TBC1D22A: variants seen among roughly 807,000 people sequenced by gnomAD.
TBC1D22A encodes the protein TBC1 domain family member 22A.
TBC1D22A carries 38 observed loss-of-function variants against 60.2 expected under a neutral mutation model. That is an observed-to-expected ratio of 0.63 (90% CI 0.49 to 0.83). The LOEUF (loss-of-function observed/expected upper bound fraction) is 0.83. Ranked by LOEUF, TBC1D22A falls within the 40% of genes least tolerant of loss-of-function variation. TBC1D22A has a pLI of 0.00. For missense variants in TBC1D22A, 628 were observed against 701.0 expected (o/e 0.90, Z 1.18); for synonymous variants, 302 against 281.7 (o/e 1.07, Z -0.72).
At chr22:47,059,712 C>T (rs2063506385) in intron 11 of TBC1D22A, among the ~76,000 whole-genome samples, 3 of 152,180 alleles carry the variant, frequency 2.0e-5, no homozygotes, top group East Asian at 3.8e-4. Flanking sequence ...AATGCAGGTG[C>T]CGTTTCTGCC....
chr22:46,916,060 C>T, intron 8 of TBC1D22A: 1 of 401,850 alleles, frequency 2.5e-6, no homozygotes, highest in South Asian at 1.9e-5. Flanking sequence ...AGGACATATG[C>T]ATGTAGTGAA....
Position 46,913,430 on chromosome 22 carries a change from G to T in TBC1D22A, c.1015+1242G>T, listed in dbSNP as rs574355554. On this transcript the variant is annotated intron_variant, in intron 8 of 12. Transcript: ENST00000337137. ...ACAGATGAACAGATTATCCTCAGAA[G>T]ATGAGGACATATCCAAGTAGTGAAT... The T allele has an allele frequency of 3.7e-6, 5 of 1,365,420 alleles. No homozygotes were observed. The South Asian group carries it at 4.6e-5, about 12-fold the overall frequency. The allele number at this position is 1,365,420 out of a possible 1,614,324, so 84.6% of individuals were successfully genotyped here. A position where few individuals can be genotyped will look rare whatever the true frequency, so the allele number is the denominator to read the frequency against.
At chr22:47,166,921 G>A (rs1294220172) in intron 12 of TBC1D22A, among the ~76,000 whole-genome samples, 3 of 152,260 alleles carry the variant, frequency 2.0e-5, no homozygotes, top group African/African-American at 7.2e-5. Context: ...CCCTACCCTT[G>A]TAAGCAGAGC....
intron 11 of TBC1D22A, among the ~76,000 whole-genome samples, chr22:47,047,723 G>A (rs2063075702): frequency 6.6e-6 from 1 of 152,268 alleles, no homozygotes. Context: ...GGTGGAAGAA[G>A]CTTGCCCCAT....
intron 12 of TBC1D22A, among the ~76,000 whole-genome samples, chr22:47,148,336 TA>T (rs59518138): frequency 0.56 from 78,165 of 138,840 alleles, 21,434 homozygotes; most frequent in East Asian, 0.76. Context: ...CCAAAAGATG[TA>T]AAAAAAAAAA....
At chr22:46,841,766 A>G (rs1017365980) in intron 4 of TBC1D22A, among the ~76,000 whole-genome samples, 1 of 152,264 alleles carries the variant, frequency 6.6e-6, no homozygotes, top group Non-Finnish European at 1.5e-5. Flanking sequence ...TCTCATGTAC[A>G]GCATGATGAC....
intron 11 of TBC1D22A, among the ~76,000 whole-genome samples, chr22:47,056,886 G>A (rs757399467): frequency 5.3e-5 from 8 of 152,212 alleles, no homozygotes; most frequent in Non-Finnish European, 1.0e-4. Context: ...AATGGAAGGG[G>A]CCTGGAGCAG....
At chr22:46,913,404 G>A (rs772432854) in intron 8 of TBC1D22A, 23 of 1,366,270 alleles carry the variant, frequency 1.7e-5, no homozygotes, top group Non-Finnish European at 2.3e-5. Context: ...CTTACCCGAG[G>A]ACAGATGAAC....
intron 9 of TBC1D22A, among the ~76,000 whole-genome samples, chr22:46,991,692 C>G (rs565441169): frequency 6.6e-6 from 1 of 152,204 alleles, no homozygotes; most frequent in Admixed American, 6.5e-5. Flanking sequence ...AATCTCTTAC[C>G]TGCAGTGGCC....
intron 1 of TBC1D22A, chr22:46,774,349 G>A (rs532284957): frequency 6.8e-6 from 5 of 740,166 alleles, no homozygotes; most frequent in Non-Finnish European, 8.3e-6. Flanking sequence ...TCTGGGCCCC[G>A]TGCTGTGGGG....
At chr22:47,062,087 CAAA>C (rs908701365) in intron 11 of TBC1D22A, among the ~76,000 whole-genome samples, 7 of 62,996 alleles carry the variant, frequency 1.1e-4, no homozygotes, top group South Asian at 8.1e-4. Context: ...GACTCCATCT[CAAA>C]AAAAAAAAAA....
intron 10 of TBC1D22A, among the ~76,000 whole-genome samples, chr22:47,022,067 C>T (rs1364080836): frequency 6.6e-6 from 1 of 152,244 alleles, no homozygotes; most frequent in East Asian, 1.9e-4. Flanking sequence ...TAAAAAATCA[C>T]AGCCCCACAG....
At chr22:47,091,164 G>A (rs1252792507) in intron 11 of TBC1D22A, among the ~76,000 whole-genome samples, 3 of 133,002 alleles carry the variant, frequency 2.3e-5, no homozygotes. Context: ...AGACGGGCAC[G>A]AGAAGTTGGT....
intron 11 of TBC1D22A, among the ~76,000 whole-genome samples, chr22:47,076,335 G>A (rs1381588204): frequency 7.3e-6 from 1 of 136,874 alleles, no homozygotes; most frequent in Non-Finnish European, 1.6e-5. Context: ...ATATGTGTGT[G>A]TGTGTGTATA....
intron 11 of TBC1D22A, among the ~76,000 whole-genome samples, chr22:47,085,007 T>C (rs2064621340): frequency 6.6e-6 from 1 of 152,172 alleles, no homozygotes. Flanking sequence ...AGGCCAGGCA[T>C]GGTGGCTCAC....
At chr22:46,915,078 G>C in intron 8 of TBC1D22A, 2 of 263,236 alleles carry the variant, frequency 7.6e-6, no homozygotes, top group South Asian at 9.1e-5. Flanking sequence ...TTGGGAGGAA[G>C]GGCAGGGCGG....
intron 4 of TBC1D22A, among the ~76,000 whole-genome samples, chr22:46,808,572 G>A (rs115175776): frequency 2.0e-5 from 3 of 152,076 alleles, no homozygotes; most frequent in Non-Finnish European, 2.9e-5. Context: ...ATGTAGTCAG[G>A]TAAGGCTTTG....
intron 4 of TBC1D22A, among the ~76,000 whole-genome samples, chr22:46,812,743 C>G (rs1325822241): frequency 1.3e-5 from 2 of 152,216 alleles, no homozygotes; most frequent in African/African-American, 4.8e-5. Context: ...TTTACTGACC[C>G]TTGTTTTATT....
chr22:46,769,406 G>GGCA (rs1399392409), intron 1 of TBC1D22A, among the ~76,000 whole-genome samples: 1 of 152,236 alleles, frequency 6.6e-6, no homozygotes, highest in African/African-American at 2.4e-5. Context: ...CAAGCCATGT[G>GGCA]GCTCTTCACG....
Sources: gnomAD v4.1 joint callset for allele counts (sites outside exome capture counted in the v4.1 genomes callset) on GRCh38, gnomAD v4.1.1 for gene constraint, MANE v1.5 for transcripts, NCBI Gene and HGNC (gene_info 2026-07-23, HGNC 2026-07-21) for gene names.